The following TCHHL1 variants were observed in gnomAD, a reference collection of about 807,000 sequenced individuals.
TCHHL1 encodes the protein trichohyalin-like protein 1.
In TCHHL1, 1 loss-of-function variant was observed where a neutral mutation model predicts 3.5. That is an observed-to-expected ratio of 0.29 (90% CI 0.10 to 1.36). TCHHL1 has a LOEUF of 1.36. Ranked by LOEUF, TCHHL1 falls within the 40% of genes most tolerant of loss-of-function variation. TCHHL1 has a pLI of 0.43. For synonymous variants in TCHHL1, 405 were observed against 375.3 expected (o/e 1.08, Z -0.92); for missense variants, 1,027 against 1,032.8 (o/e 0.99, Z 0.08).
Position 152,087,469 on chromosome 1 carries a change from A to C in TCHHL1, c.213T>G (p.Asp71Glu), listed in dbSNP as rs367938735. Reference sequence around the variant, plus strand: ...AGTTGAAGATTGCAAGAACAAATTCATCAAAACTGATGATGCCATTACTGT... The same window carrying C: ...AGTTGAAGATTGCAAGAACAAATTCCTCAAAACTGATGATGCCATTACTGT... ...NIDSNGIISF[D>E]EFVLAIFNLL... is the part of the protein sequence containing the mutation. Residue 71 changes from aspartate to glutamate, a missense_variant, in exon 3 of 3, where the codon GAT becomes GAG. Asp to Glu is a conservative substitution (Grantham distance 45). Coordinates refer to ENST00000368806, the MANE Select transcript of TCHHL1 (RefSeq NM_001008536.2). 9 of 1,604,474 alleles carry C rather than the reference A, an allele frequency of 5.6e-6. No individual in the cohort carries two copies. The Middle Eastern group carries it at 5.0e-4, about 88-fold the overall frequency.
rs1235911644 is a variant in TCHHL1, at chr1:152,086,884, T to C, written c.798A>G (p.Lys266=). The C allele has an allele frequency of 6.2e-7, 1 of 1,614,084 alleles. No individual in the cohort carries two copies. Among genetic ancestry groups the C allele is most frequent in the African/African-American group, 1.3e-5 (1 of 74,926 alleles). The part of the protein sequence containing the change: ...GNLATQSSPP[K]EATQRPCEDQ... ...CTTCACATGGTCTTTGTGTTGCTTC[T>C]TTTGGTGGTGAACTTTGGGTTGCCA... The change falls in exon 3 of 3, where the codon AAA becomes AAG. Residue 266 remains lysine (K), a synonymous_variant. Transcript: ENST00000368806.
rs1557801936 is a variant in TCHHL1, at chr1:152,086,992, C to T, written c.690G>A (p.Glu230=). The change falls in exon 3 of 3, where the codon GAG becomes GAA. Residue 230 remains glutamate, a synonymous_variant. Transcript: ENST00000368806. ...SPTERKGQDK[E]ISQEGDEPAR... ...CTGGTTCATCTCCTTCCTGGGAGAT[C>T]TCCTTATCTTGTCCCTTCCTCTCTG... 2 of 1,614,064 alleles carry T rather than the reference C, an allele frequency of 1.2e-6. No homozygotes were observed. Among genetic ancestry groups the T allele is most frequent in the Non-Finnish European group, 1.7e-6 (2 of 1,179,998 alleles).
chr1:152,086,619 C>T lies in TCHHL1; in HGVS notation c.1063G>A (p.Asp355Asn). 2 of 1,614,146 alleles carry T rather than the reference C, an allele frequency of 1.2e-6. No homozygotes were observed. The highest frequency in any genetic ancestry group is 2.2e-5 in the East Asian group (1 of 44,874). Residue 355 changes from aspartate (D) to asparagine (N), a missense_variant, in exon 3 of 3, where the codon GAT (aspartate) becomes AAT (asparagine). By Grantham distance (23) the Asp-to-Asn change is conservative. Coordinates refer to ENST00000368806, the MANE Select transcript of TCHHL1 (RefSeq NM_001008536.2). The stretch of plus-strand genomic sequence containing the variant: ...TGGGTCTCAGATGTTCTGCCATAAT[C>T]CTCAGGTTCACCCAAATTCTTTGTT... ...AKTKNLGEPE[D>N]YGRTSETQEK... is the part of the protein sequence containing the mutation.
At position 152,086,726 on chromosome 1, in the gene TCHHL1, T is replaced by C. The variant is rs750228991; in HGVS notation, c.956A>G (p.Gln319Arg). The C allele has an allele frequency of 6.2e-7, 1 of 1,614,252 alleles. No individual in the cohort carries two copies. Reference protein sequence around the residue: ...QAAARSPSQTQKSTDSKDVCR... With the variant: ...QAAARSPSQTRKSTDSKDVCR... ...GACATCCTTGGAATCAGTTGATTTC[T>C]GTGTCTGAGATGGTGACCTGGCAGC... is the stretch of plus-strand genomic sequence containing the variant. The change falls in exon 3 of 3, where the codon CAG becomes CGG. Residue 319 changes from glutamine (Q) to arginine (R), a missense_variant. Around this residue, in one of 3 missense-constraint regions of TCHHL1, gnomAD observed 16 missense variants for 38.3 expected, o/e 0.42. Coordinates refer to ENST00000368806, the MANE Select transcript of TCHHL1 (RefSeq NM_001008536.2).
rs1657688409 is a variant in TCHHL1 at position 152,084,891 on chromosome 1, C to T, written c.*76G>A. On this transcript the variant is annotated 3_prime_UTR_variant, in exon 3 of 3. Transcript: ENST00000368806. Reference sequence around the variant, plus strand: ...GAAGAGAATTTAAAAGATTGTTAATCTGCATCTGAATGTGTACACGTGAGT... The same window carrying T: ...GAAGAGAATTTAAAAGATTGTTAATTTGCATCTGAATGTGTACACGTGAGT... 3 of 1,415,184 alleles carry T rather than the reference C, an allele frequency of 2.1e-6. No individual in the cohort carries two copies. Among genetic ancestry groups the T allele is most frequent in the Non-Finnish European group, 2.9e-6 (3 of 1,041,252 alleles). The allele number at this position is 1,415,184 out of a possible 1,614,324, so 87.7% of individuals were successfully genotyped here.
rs766957983 is a variant in TCHHL1 at position 152,085,447 on chromosome 1, C to G, written c.2235G>C (p.Glu745Asp). The G allele has an allele frequency of 3.1e-6, 5 of 1,614,212 alleles. No homozygotes were observed. The South Asian group carries it at 5.5e-5, about 18-fold the overall frequency. ...QLETKEPVTS[E>D]EEDESPQELA... The stretch of plus-strand genomic sequence containing the variant: ...GCTCTTGGGGACTTTCATCTTCCTC[C>G]TCTGATGTTACAGGTTCCTTTGTTT... The change falls in exon 3 of 3, where the codon GAG becomes GAC. Residue 745 changes from glutamate (E) to aspartate (D), a missense_variant. Glu to Asp is a conservative substitution (Grantham distance 45, BLOSUM62 2). Around this residue, in one of 3 missense-constraint regions of TCHHL1, gnomAD observed 673 missense variants for 658.6 expected, o/e 1.02. Transcript: ENST00000368806.
rs1657692039 is a variant in TCHHL1 at position 152,085,025 on chromosome 1, C to T, written c.2657G>A (p.Gly886Asp). ...TACCAGCCTCTCTCTCTGAGGGTGACCTTGCTTATCTTCCAAGGCCTGGGG... is the reference window on the plus strand; with the variant it reads ...TACCAGCCTCTCTCTCTGAGGGTGATCTTGCTTATCTTCCAAGGCCTGGGG... ...PAPQALEDKQ[G>D]HPQRERLVLQ... Residue 886 changes from glycine to aspartate, a missense_variant, in exon 3 of 3, where the codon GGT becomes GAT. This residue lies in a region of TCHHL1 where 673 missense variants were observed against 658.6 expected (regional missense o/e 1.02). Transcript: ENST00000368806. The T allele has an allele frequency of 6.8e-6, 11 of 1,614,020 alleles. No homozygotes were observed. Among genetic ancestry groups the T allele is most frequent in the East Asian group, 6.7e-5 (3 of 44,870 alleles).
Position 152,087,491 on chromosome 1 carries a change from C to A in TCHHL1, c.191G>T (p.Ser64Ile). The change falls in exon 3 of 3, where the codon AGT becomes ATT. Residue 64 changes from serine (S) to isoleucine (I), a missense_variant. Transcript: ENST00000368806. ...TTCATCAAAACTGATGATGCCATTA[C>A]TGTCAATATTCAGAAGATTTGAATT... is the stretch of plus-strand genomic sequence containing the variant. ...EKNSNLLNID[S>I]NGIISFDEFV... 1 of 1,601,682 alleles carries A rather than the reference C, an allele frequency of 6.2e-7. No individual in the cohort carries two copies. Among genetic ancestry groups the A allele is most frequent in the Non-Finnish European group, 8.5e-7 (1 of 1,179,814 alleles).
rs760336865 is a variant in TCHHL1 at position 152,086,453 on chromosome 1, C to G, written c.1229G>C (p.Arg410Thr). 1 of 1,614,126 alleles carries G rather than the reference C, an allele frequency of 6.2e-7. No individual in the cohort carries two copies. Among genetic ancestry groups the G allele is most frequent in the Non-Finnish European group, 8.5e-7 (1 of 1,180,024 alleles). The change falls in exon 3 of 3, where the codon AGA becomes ACA. Residue 410 changes from arginine (R) to threonine (T), a missense_variant. Physicochemically the swap from Arg to Thr is moderately conservative, Grantham distance 71. Around this residue, in one of 3 missense-constraint regions of TCHHL1, gnomAD observed 673 missense variants for 658.6 expected, o/e 1.02. Transcript: ENST00000368806. ...TTCCAGGACTAGTGGCCGAGTTTTT[C>G]TGTCACGTTCTTTCTGCCCTGCTGT... ...HGTAGQKERD[R>T]KTRPLVLETQ...
Position 152,086,375 on chromosome 1 carries a change from T to C in TCHHL1, c.1307A>G (p.Lys436Arg). The change falls in exon 3 of 3, where the codon AAA becomes AGA. Residue 436 changes from lysine to arginine, a missense_variant. Transcript: ENST00000368806. ...TGTCTCAGAACCTTTTTCAGCATCT[T>C]TTGATTTTGATAATCCTTGGAGTTC... ...YQELQGLSKS[K>R]DAEKGSETQY... 1 of 1,614,234 alleles carries C rather than the reference T, an allele frequency of 6.2e-7. No individual in the cohort carries two copies. The highest frequency in any genetic ancestry group is 8.5e-7 in the Non-Finnish European group (1 of 1,180,032).
intron 2 of TCHHL1, 27 bp downstream of exon 2, chr1:152,087,979 A>G: frequency 1.3e-6 from 2 of 1,554,764 alleles, no homozygotes; most frequent in South Asian, 2.5e-5. Context: ...GTTGGAAAGA[A>G]TTTACACAGC....
At position 152,086,144 on chromosome 1, in the gene TCHHL1, T is replaced by C; in HGVS notation, c.1538A>G (p.Asn513Ser). The C allele has an allele frequency of 6.2e-7, 1 of 1,614,200 alleles. No individual in the cohort carries two copies. The highest frequency in any genetic ancestry group is 8.5e-7 in the Non-Finnish European group (1 of 1,180,032). Reference sequence around the variant, plus strand: ...GTCATGAGTCTTGGTGACCCTAGTATTTTCTCCTACAGACTGCTTCTCAAG... The same window carrying C: ...GTCATGAGTCTTGGTGACCCTAGTACTTTCTCCTACAGACTGCTTCTCAAG... The part of the protein sequence containing the change: ...APLEKQSVGE[N>S]TRVTKTHDQP... The change falls in exon 3 of 3, where the codon AAT (asparagine) becomes AGT (serine). Residue 513 changes from asparagine to serine, a missense_variant. Asn to Ser is a conservative substitution (Grantham distance 46). This residue lies in a region of TCHHL1 where 673 missense variants were observed against 658.6 expected (regional missense o/e 1.02). Transcript: ENST00000368806.
At position 152,087,017 on chromosome 1, in the gene TCHHL1, G is replaced by C; in HGVS notation, c.665C>G (p.Thr222Arg). The change falls in exon 3 of 3, where the codon ACA becomes AGA. Residue 222 changes from threonine to arginine, a missense_variant. Physicochemically the swap from Thr to Arg is moderately conservative, Grantham distance 71 (BLOSUM62 -1). Transcript: ENST00000368806. The part of the protein sequence containing the change: ...MAGSKKTSSP[T>R]ERKGQDKEIS... ...CTCCTTATCTTGTCCCTTCCTCTCT[G>C]TGGGACTGCTGGTCTTTTTTGATCC... 3 of 1,614,068 alleles carry C rather than the reference G, an allele frequency of 1.9e-6. No individual in the cohort carries two copies. Among genetic ancestry groups the C allele is most frequent in the Non-Finnish European group, 2.5e-6 (3 of 1,180,030 alleles).
rs1403862759 is a variant in TCHHL1, at chr1:152,086,335, T to C, written c.1347A>G (p.Ser449=). The C allele has an allele frequency of 6.2e-7, 1 of 1,614,232 alleles. No homozygotes were observed. The highest frequency in any genetic ancestry group is 8.5e-7 in the Non-Finnish European group (1 of 1,180,026). The change falls in exon 3 of 3, where the codon TCA becomes TCG. Residue 449 remains serine, a synonymous_variant. Coordinates refer to ENST00000368806, the MANE Select transcript of TCHHL1 (RefSeq NM_001008536.2). ...EKGSETQYLS[S]EGGDQTHPEL... is the part of the protein sequence containing the mutation. ...CAGGGTGAGTCTGATCTCCTCCTTC[T>C]GAGCTTAGATATTGTGTCTCAGAAC... is the stretch of plus-strand genomic sequence containing the variant.
At position 152,085,842 on chromosome 1, in the gene TCHHL1, C is replaced by T. The variant is rs1572146468; in HGVS notation, c.1840G>A (p.Val614Ile). 1 of 1,614,202 alleles carries T rather than the reference C, an allele frequency of 6.2e-7. No homozygotes were observed. Among genetic ancestry groups the T allele is most frequent in the East Asian group, 2.2e-5 (1 of 44,880 alleles). ...GTGAGCTGTACATCCTCTCCTCTGA[C>T]TGCTGGTACCACTGCCTCCAGAGCT... ...NRALEAVVPA[V>I]RGEDVQLTED... Residue 614 changes from valine (V) to isoleucine (I), a missense_variant, in exon 3 of 3, where the codon GTC (valine) becomes ATC (isoleucine). By Grantham distance (29) the Val-to-Ile change is conservative. Transcript: ENST00000368806.
Position 152,086,064 on chromosome 1 carries a change from T to TG in TCHHL1, c.1617dup (p.Thr540HisfsTer4), listed in dbSNP as rs1485047026. On this transcript the variant is annotated frameshift_variant, in exon 3 of 3. Transcript: ENST00000368806. LOFTEE classifies it low-confidence loss of function (END_TRUNC). Reference sequence around the variant, plus strand: ...TCAGAAGACCCCTCATCACTCTGTGTGAATGGTGACTCAGGGTCCTCCCCC... The same window carrying TG: ...TCAGAAGACCCCTCATCACTCTGTGTGGAATGGTGACTCAGGGTCCTCCCCC... 6.2e-6 allele frequency: 10 copies of TG among 1,614,198 alleles called. No individual in the cohort carries two copies. The highest frequency in any genetic ancestry group is 8.5e-6 in the Non-Finnish European group (10 of 1,180,034).
rs1210759287 is a variant in TCHHL1, at chr1:152,086,717, GT to G, written c.964del (p.Thr322LeufsTer66). ...ARSPSQTQKS[T>X]DSKDVCRMFD... The stretch of plus-strand genomic sequence containing the variant: ...CATTCTACAGACATCCTTGGAATCA[GT>G]TGATTTCTGTGTCTGAGATGGTGAC... On this transcript the variant is annotated frameshift_variant, in exon 3 of 3. Coordinates refer to ENST00000368806, the MANE Select transcript of TCHHL1 (RefSeq NM_001008536.2). LOFTEE classifies it low-confidence loss of function (END_TRUNC). The G allele has an allele frequency of 1.2e-6, 2 of 1,614,204 alleles. No individual in the cohort carries two copies. The highest frequency in any genetic ancestry group is 8.5e-7 in the Non-Finnish European group (1 of 1,180,044).
chr1:152,088,300 A>G, intron 1 of TCHHL1, 137 bp from the exon 2 acceptor site: 1 of 688,134 alleles, frequency 1.5e-6, no homozygotes, highest in Admixed American at 3.8e-5. Context: ...ATTATATCTG[A>G]ACTCCAGGGG....
Position 152,086,714 on chromosome 1 carries a change from TC to T in TCHHL1, c.967del (p.Asp323IlefsTer65). On this transcript the variant is annotated frameshift_variant, in exon 3 of 3. Coordinates refer to ENST00000368806, the MANE Select transcript of TCHHL1 (RefSeq NM_001008536.2). LOFTEE classifies it low-confidence loss of function (END_TRUNC). ...AAACATTCTACAGACATCCTTGGAA[TC>T]AGTTGATTTCTGTGTCTGAGATGGT... ...RSPSQTQKSTDSKDVCRMFDT... is the reference protein window; with the variant it reads ...RSPSQTQKSTXSKDVCRMFDT... 1 of 1,614,244 alleles carries T rather than the reference TC, an allele frequency of 6.2e-7. No individual in the cohort carries two copies. The highest frequency in any genetic ancestry group is 1.1e-5 in the South Asian group (1 of 91,078).
Sources: allele counts gnomAD v4.1 joint callset, GRCh38; gene constraint gnomAD v4.1.1; regional missense constraint gnomAD v4.1.1; transcripts MANE v1.5; gene names NCBI Gene and HGNC (gene_info 2026-07-23, HGNC 2026-07-21).